The following DCPH1 variants were observed in gnomAD, a reference collection of about 807,000 sequenced individuals.
The protein encoded by DCPH1 is damage-control phosphatase 1.
the DCPH1 span, chr6:151,452,493 T>C: frequency 6.3e-7 from 1 of 1,599,236 alleles, no homozygotes; most frequent in Admixed American, 1.7e-5. Context: ...GTACCGCCTC[T>C]GTTTCTGCGG....
At chr6:151,455,181 A>G in the DCPH1 span, among the ~76,000 whole-genome samples, 5 of 148,064 alleles carry the variant, frequency 3.4e-5, no homozygotes, top group African/African-American at 9.9e-5. Flanking sequence ...CAATTAATGG[A>G]TGAGGAAAAA....
the DCPH1 span, among the ~76,000 whole-genome samples, chr6:151,460,110 C>T: frequency 1.3e-5 from 2 of 152,130 alleles, no homozygotes; most frequent in Non-Finnish European, 1.5e-5. Context: ...GATGGAGTCT[C>T]GCTCTGTCGC....
the DCPH1 span, among the ~76,000 whole-genome samples, chr6:151,454,110 C>A: frequency 6.6e-6 from 1 of 152,136 alleles, no homozygotes; most frequent in African/African-American, 2.4e-5. Flanking sequence ...TTATGTTGTT[C>A]AAGCACATTA....
chr6:151,452,668 C>T, the DCPH1 span: 6 of 1,390,520 alleles, frequency 4.3e-6, no homozygotes, highest in East Asian at 2.7e-5. Context: ...GGAGGGCGCC[C>T]GCTCCCCGGT....
chr6:151,462,964 C>T, the DCPH1 span, among the ~76,000 whole-genome samples: 12 of 152,188 alleles, frequency 7.9e-5, no homozygotes, highest in South Asian at 1.9e-3. Context: ...TTGCAGCTGC[C>T]GAACCTGCCA....
At chr6:151,466,493 G>T in the DCPH1 span, among the ~76,000 whole-genome samples, 2 of 152,182 alleles carry the variant, frequency 1.3e-5, no homozygotes, top group Admixed American at 1.3e-4. Context: ...GGGGGCCAGA[G>T]TTGCCTCCAT....
chr6:151,464,457 C>G, the DCPH1 span: 1 of 1,600,930 alleles, frequency 6.2e-7, no homozygotes, highest in Non-Finnish European at 8.5e-7. Flanking sequence ...CTTTAGTCCA[C>G]CAATCGATTA....
At chr6:151,456,959 T>TC in the DCPH1 span, among the ~76,000 whole-genome samples, 35 of 152,150 alleles carry the variant, frequency 2.3e-4, no homozygotes, top group Non-Finnish European at 4.4e-4. Context: ...TCTCCAGCCC[T>TC]CCCCCATTTC....
chr6:151,452,657 C>A, the DCPH1 span: 1 of 1,444,558 alleles, frequency 6.9e-7, no homozygotes, highest in East Asian at 2.6e-5. Flanking sequence ...GGGGACTAAG[C>A]GGAGGGCGCC....
chr6:151,455,485 C>A, the DCPH1 span, among the ~76,000 whole-genome samples: 2 of 152,294 alleles, frequency 1.3e-5, no homozygotes, highest in South Asian at 4.2e-4. Context: ...AAGGTCTTTG[C>A]ATCATAGACA....
chr6:151,460,263 A>AT, the DCPH1 span, among the ~76,000 whole-genome samples: 2 of 151,440 alleles, frequency 1.3e-5, no homozygotes, highest in Non-Finnish European at 2.9e-5. Flanking sequence ...TTGTTTTTGT[A>AT]TTTTTTGTAG....
the DCPH1 span, among the ~76,000 whole-genome samples, chr6:151,465,790 G>A: frequency 1.3e-5 from 2 of 152,188 alleles, no homozygotes; most frequent in African/African-American, 2.4e-5. Context: ...GAGCCTGGGT[G>A]TTCTTTGAAC....
At chr6:151,467,049 G>T in the DCPH1 span, among the ~76,000 whole-genome samples, 13,138 of 152,148 alleles carry the variant, frequency 0.086, 790 homozygotes, top group East Asian at 0.16. Flanking sequence ...CCAGGAGTTT[G>T]AGACCAGCCT....
chr6:151,469,222 G>A, the DCPH1 span: 4 of 852,468 alleles, frequency 4.7e-6, no homozygotes, highest in African/African-American at 6.8e-5. Flanking sequence ...GCTCAGGGAA[G>A]CTTAGCTTCT....
chr6:151,455,534 C>T, the DCPH1 span, among the ~76,000 whole-genome samples: 19,671 of 152,126 alleles, frequency 0.13, 1,542 homozygotes, highest in East Asian at 0.38. Context: ...GATATGCATA[C>T]ACATAAACAT....
At chr6:151,464,334 T>C in the DCPH1 span, 2 of 581,916 alleles carry the variant, frequency 3.4e-6, no homozygotes, top group Non-Finnish European at 5.8e-6. Flanking sequence ...AGATAAATGT[T>C]ATATCTAGTT....
chr6:151,459,079 G>A, the DCPH1 span, among the ~76,000 whole-genome samples: 4 of 152,208 alleles, frequency 2.6e-5, no homozygotes, highest in Non-Finnish European at 5.9e-5. Context: ...AGAGGTTGCA[G>A]TGTGCCAAAA....
At chr6:151,466,504 T>A in the DCPH1 span, among the ~76,000 whole-genome samples, 1 of 152,172 alleles carries the variant, frequency 6.6e-6, no homozygotes, top group African/African-American at 2.4e-5. Flanking sequence ...TTGCCTCCAT[T>A]TGGTGTCCGC....
chr6:151,469,196 T>A, the DCPH1 span: 1 of 1,160,710 alleles, frequency 8.6e-7, no homozygotes, highest in South Asian at 1.6e-5. Flanking sequence ...TTGAGTCGCC[T>A]GGCGGCTCTG....
Sources: gnomAD v4.1 joint callset for allele counts (sites outside exome capture counted in the v4.1 genomes callset) on GRCh38, gnomAD v4.1.1 for gene constraint, MANE v1.5 for transcripts, NCBI Gene and HGNC (gene_info 2026-07-23, HGNC 2026-07-21) for gene names.